The following ERC2 variants were observed in gnomAD, a reference collection of about 807,000 sequenced individuals.
ERC2 encodes ELKS/RAB6-interacting/CAST family member 2.
A neutral mutation model predicts 114.8 loss-of-function variants in ERC2; 42 were observed. That is an observed-to-expected ratio of 0.37 (90% CI 0.29 to 0.47). ERC2 has a LOEUF of 0.47. ERC2 is among the 20% of genes least tolerant of loss of function. ERC2 has a pLI of 0.99. For missense variants in ERC2, 939 were observed against 1,150.7 expected (o/e 0.82, Z 2.66); for synonymous variants, 454 against 425.5 (o/e 1.07, Z -0.82).
At chr3:55,693,539 A>G (rs937485243) in intron 16 of ERC2, among the ~76,000 whole-genome samples, 1 of 152,128 alleles carries the variant, frequency 6.6e-6, no homozygotes. Context: ...ATTCCATAGA[A>G]GCAGGAGAGT....
At chr3:56,338,293 T>A (rs965606785) in intron 2 of ERC2, among the ~76,000 whole-genome samples, 1 of 152,240 alleles carries the variant, frequency 6.6e-6, no homozygotes, top group Non-Finnish European at 1.5e-5. Flanking sequence ...CCTATATCTG[T>A]GTGATATCTC....
chr3:56,057,479 C>G (rs1576743212), intron 7 of ERC2, among the ~76,000 whole-genome samples: 1 of 152,146 alleles, frequency 6.6e-6, no homozygotes, highest in Non-Finnish European at 1.5e-5. Context: ...AATTAGAAAG[C>G]CTCCATCAAG....
rs573978238 is a variant in ERC2, at chr3:56,338,234, T to C, written c.658-41799A>G. ...GTTTCCTTACTTCGTGATGGTTACA[T>C]GTGTATTGTATTGATTCATTATGCT... On this transcript the variant is annotated intron_variant, in intron 2 of 17. Coordinates refer to ENST00000288221, the MANE Select transcript of ERC2 (RefSeq NM_015576.3). 7.9e-5 allele frequency among the ~76,000 whole-genome samples: 12 copies of C among 152,342 alleles called. No homozygotes were observed. In the South Asian group the frequency reaches 2.5e-3, roughly 32 times the overall value.
intron 13 of ERC2, among the ~76,000 whole-genome samples, chr3:55,937,281 G>A (rs1440258426): frequency 6.6e-6 from 1 of 152,168 alleles, no homozygotes; most frequent in African/African-American, 2.4e-5. Flanking sequence ...CCTGGGAGGC[G>A]GAGGTTGCAG....
intron 14 of ERC2, among the ~76,000 whole-genome samples, chr3:55,836,172 T>C (rs1372845027): frequency 6.6e-6 from 1 of 152,122 alleles, no homozygotes; most frequent in African/African-American, 2.4e-5. Context: ...AAAATGGCCA[T>C]ACTGCCCAAG....
At chr3:55,622,625 G>A (rs1559756918) in intron 17 of ERC2, among the ~76,000 whole-genome samples, 1 of 151,990 alleles carries the variant, frequency 6.6e-6, no homozygotes, top group Non-Finnish European at 1.5e-5. Flanking sequence ...GCTAACCTAG[G>A]CAGTCCTCAA....
intron 17 of ERC2, among the ~76,000 whole-genome samples, chr3:55,541,685 C>T (rs2054404210): frequency 1.3e-5 from 2 of 152,180 alleles, no homozygotes; most frequent in African/African-American, 4.8e-5. Context: ...TTCCTAAGCA[C>T]ATACTATACA....
intron 2 of ERC2, among the ~76,000 whole-genome samples, chr3:56,346,922 T>A (rs1329417559): frequency 6.6e-6 from 1 of 152,180 alleles, no homozygotes; most frequent in Admixed American, 6.5e-5. Flanking sequence ...ATAATCGGCA[T>A]TAATCCATTC....
chr3:55,573,820 G>T (rs570103668), intron 17 of ERC2, among the ~76,000 whole-genome samples: 26 of 152,124 alleles, frequency 1.7e-4, no homozygotes, highest in Non-Finnish European at 2.9e-4. Context: ...GTGATGAAGA[G>T]CCGTGAATTT....
intron 15 of ERC2, among the ~76,000 whole-genome samples, chr3:55,717,089 G>A (rs1024015504): frequency 6.6e-5 from 10 of 152,176 alleles, no homozygotes; most frequent in African/African-American, 1.9e-4. Flanking sequence ...CTTGCTGGGC[G>A]ATGTTAAAAC....
chr3:55,920,446 A>ACCCCC (rs1553734038), intron 13 of ERC2, among the ~76,000 whole-genome samples: 8 of 145,440 alleles, frequency 5.5e-5, no homozygotes, highest in African/African-American at 1.8e-4. Context: ...ACACACACAC[A>ACCCCC]CCCCAAGTGA....
intron 4 of ERC2, among the ~76,000 whole-genome samples, chr3:56,159,826 A>C (rs1214923399): frequency 6.6e-6 from 1 of 152,182 alleles, no homozygotes; most frequent in African/African-American, 2.4e-5. Flanking sequence ...GTTGCTGCAA[A>C]GGACATGGTT....
intron 14 of ERC2, among the ~76,000 whole-genome samples, chr3:55,771,810 C>A (rs1224513162): frequency 6.6e-6 from 1 of 152,240 alleles, no homozygotes; most frequent in Non-Finnish European, 1.5e-5. Flanking sequence ...GAGGCAGGCT[C>A]TCCACCTGTA....
intron 6 of ERC2, among the ~76,000 whole-genome samples, chr3:56,083,464 G>C (rs1198183817): frequency 6.6e-6 from 1 of 152,184 alleles, no homozygotes. Context: ...ATTAGGGAGA[G>C]TGGAGAACAG....
intron 13 of ERC2, among the ~76,000 whole-genome samples, chr3:55,899,053 A>G (rs2063984947): frequency 6.6e-6 from 1 of 152,232 alleles, no homozygotes; most frequent in Non-Finnish European, 1.5e-5. Context: ...TTTAACATTA[A>G]TTAAAATTTA....
chr3:55,543,129 A>G (rs920970899), intron 17 of ERC2, among the ~76,000 whole-genome samples: 8 of 151,664 alleles, frequency 5.3e-5, no homozygotes, highest in Admixed American at 5.3e-4. Context: ...CCTTCCATCT[A>G]TCCCTGAACT....
chr3:56,106,258 C>T (rs957272155), intron 6 of ERC2, among the ~76,000 whole-genome samples: 1 of 152,156 alleles, frequency 6.6e-6, no homozygotes, highest in African/African-American at 2.4e-5. Flanking sequence ...AGCCAAGCTC[C>T]GCCTGGCAGC....
chr3:56,128,094 A>AT (rs139451826), intron 6 of ERC2, among the ~76,000 whole-genome samples: 3,916 of 152,156 alleles, frequency 0.026, 102 homozygotes, highest in African/African-American at 0.061. Context: ...AAATTTTTAA[A>AT]TTTTAAAAAA....
At chr3:55,915,943 T>G (rs200978283) in intron 13 of ERC2, among the ~76,000 whole-genome samples, 2 of 152,184 alleles carry the variant, frequency 1.3e-5, no homozygotes, top group East Asian at 3.9e-4. Context: ...AAAAATCACT[T>G]AAGTCCTTCC....
Sources: allele counts gnomAD v4.1 joint callset (sites outside exome capture counted in the v4.1 genomes callset), GRCh38; gene constraint gnomAD v4.1.1; transcripts MANE v1.5; gene names NCBI Gene and HGNC (gene_info 2026-07-23, HGNC 2026-07-21).